TRAPPC9: variants seen among roughly 807,000 people sequenced by gnomAD.
TRAPPC9 encodes trafficking protein particle complex subunit 9, also known as IKK2 binding protein.
A neutral mutation model predicts 124.0 loss-of-function variants in TRAPPC9; 83 were observed. The observed-to-expected ratio is 0.67, with a 90% confidence interval of 0.56 to 0.80. TRAPPC9 has a LOEUF of 0.80. TRAPPC9 is among the 30% of genes least tolerant of loss of function. The pLI, the probability that TRAPPC9 is intolerant of heterozygous loss-of-function variation, is 0.00. For synonymous variants in TRAPPC9, 638 were observed against 617.5 expected (o/e 1.03, Z -0.49); for missense variants, 1,302 against 1,508.3 (o/e 0.86, Z 2.27).
At chr8:139,823,868 G>C (rs748643545) in intron 21 of TRAPPC9, among the ~76,000 whole-genome samples, 1 of 152,182 alleles carries the variant, frequency 6.6e-6, no homozygotes, top group Non-Finnish European at 1.5e-5. Context: ...TGGTGTTCAA[G>C]CCCACACCTG....
At chr8:139,842,831 A>G (rs890289434) in intron 21 of TRAPPC9, among the ~76,000 whole-genome samples, 47 of 152,270 alleles carry the variant, frequency 3.1e-4, no homozygotes, top group African/African-American at 1.1e-3. Context: ...TACAGTCACT[A>G]ATGTAGCAGC....
At chr8:140,133,589 G>T (rs1287209974) in intron 17 of TRAPPC9, among the ~76,000 whole-genome samples, 1 of 152,050 alleles carries the variant, frequency 6.6e-6, no homozygotes, top group Non-Finnish European at 1.5e-5. Flanking sequence ...GAAATAAAAG[G>T]CATCCAAATT....
At position 139,730,056 on chromosome 8, in the gene TRAPPC9, G is replaced by A. The variant is rs1817727603; in HGVS notation, c.*1005C>T. Reference sequence around the variant, plus strand: ...GTGAGCCGTGTGCTTTCTCTCTCCGGTCCTCCCTGAGGAACGCAGGGCCAG... The same window carrying A: ...GTGAGCCGTGTGCTTTCTCTCTCCGATCCTCCCTGAGGAACGCAGGGCCAG... On this transcript the variant is annotated 3_prime_UTR_variant, in exon 23 of 23. Coordinates refer to ENST00000438773, the MANE Select transcript of TRAPPC9 (RefSeq NM_001160372.4). Among the ~76,000 whole-genome samples the A allele has an allele frequency of 6.6e-6, 1 of 152,126 alleles. No homozygotes were observed. The highest frequency in any genetic ancestry group is 1.5e-5 in the Non-Finnish European group (1 of 68,010).
chr8:139,762,019 T>C (rs1245536344), intron 21 of TRAPPC9, among the ~76,000 whole-genome samples: 1 of 151,750 alleles, frequency 6.6e-6, no homozygotes, highest in Non-Finnish European at 1.5e-5. Flanking sequence ...TGTCCCTCTA[T>C]AACCCGGCCC....
In TRAPPC9 at chr8:139,910,202, C is replaced by G. The variant is rs780452862; in HGVS notation, c.2909G>C (p.Arg970Pro). 6.2e-7 allele frequency: 1 copy of G among 1,614,170 alleles called. No homozygotes were observed. The highest frequency in any genetic ancestry group is 8.5e-7 in the Non-Finnish European group (1 of 1,180,028). ...GATCTCCAGGCCTCGGGCTTCCCGCCGCTCTTCCTCCAGCTGCTTGGGGTT... is the reference window on the plus strand; with the variant it reads ...GATCTCCAGGCCTCGGGCTTCCCGCGGCTCTTCCTCCAGCTGCTTGGGGTT... ...FANPKQLEEE[R>P]REARGLEIHS... The change falls in exon 20 of 23, where the codon CGG (arginine) becomes CCG (proline). Residue 970 changes from arginine (R) to proline (P), a missense_variant. Around this residue, in one of 3 missense-constraint regions of TRAPPC9, gnomAD observed 640 missense variants for 679.3 expected, o/e 0.94. Coordinates refer to ENST00000438773, the MANE Select transcript of TRAPPC9 (RefSeq NM_001160372.4).
chr8:140,212,507 ATC>A (rs1022007070), intron 17 of TRAPPC9, among the ~76,000 whole-genome samples: 20 of 152,142 alleles, frequency 1.3e-4, no homozygotes, highest in African/African-American at 4.8e-4. Flanking sequence ...AAATTTTTGC[ATC>A]TGTGTTCAGG....
chr8:139,975,523 G>C (rs761401214), intron 19 of TRAPPC9, among the ~76,000 whole-genome samples: 9 of 152,184 alleles, frequency 5.9e-5, no homozygotes, highest in Non-Finnish European at 1.2e-4. Context: ...GGTGAAAACA[G>C]AGAAACCCCA....
chr8:140,395,562 C>T (rs2069066076), intron 7 of TRAPPC9, among the ~76,000 whole-genome samples: 2 of 152,152 alleles, frequency 1.3e-5, no homozygotes, highest in South Asian at 4.1e-4. Flanking sequence ...TATGGACCAA[C>T]TCTGAGATGG....
intron 19 of TRAPPC9, among the ~76,000 whole-genome samples, chr8:139,917,898 C>T (rs775931333): frequency 6.6e-6 from 1 of 152,318 alleles, no homozygotes; most frequent in African/African-American, 2.4e-5. Flanking sequence ...ACAAGCAGCC[C>T]AGCACTCCCA....
At chr8:140,388,223 T>G (rs1291941731) in intron 7 of TRAPPC9, among the ~76,000 whole-genome samples, 3 of 29,280 alleles carry the variant, frequency 1.0e-4, no homozygotes, top group Non-Finnish European at 6.6e-5. Flanking sequence ...GGGCCTGTTG[T>G]GGGGTGGGGA....
At chr8:140,291,881 G>A (rs1563921779) in intron 11 of TRAPPC9, among the ~76,000 whole-genome samples, 3 of 152,192 alleles carry the variant, frequency 2.0e-5, no homozygotes, top group African/African-American at 2.4e-5. Flanking sequence ...GCAAGAGAAC[G>A]GGGATCACAG....
intron 9 of TRAPPC9, among the ~76,000 whole-genome samples, chr8:140,312,069 CCACTT>C (rs1182583659): frequency 6.6e-6 from 1 of 152,194 alleles, no homozygotes; most frequent in Non-Finnish European, 1.5e-5. Context: ...ACTCCTGTCC[CCACTT>C]TGCAGATGAA....
chr8:139,878,214 T>C (rs1228199155), intron 21 of TRAPPC9, among the ~76,000 whole-genome samples: 1 of 152,204 alleles, frequency 6.6e-6, no homozygotes, highest in Non-Finnish European at 1.5e-5. Flanking sequence ...CGAGACATGT[T>C]TATAACATGG....
At chr8:140,414,643 G>A (rs570852370) in intron 5 of TRAPPC9, among the ~76,000 whole-genome samples, 123 of 152,238 alleles carry the variant, frequency 8.1e-4, no homozygotes, top group Non-Finnish European at 1.5e-3. Flanking sequence ...ATCAACAACA[G>A]AATGAAATTT....
At chr8:140,382,729 G>T (rs1228992387) in intron 7 of TRAPPC9, among the ~76,000 whole-genome samples, 1 of 152,192 alleles carries the variant, frequency 6.6e-6, no homozygotes, top group Admixed American at 6.5e-5. Context: ...CTCCACCTCT[G>T]GGGACAGGGC....
At chr8:139,815,634 C>T (rs142013366) in intron 21 of TRAPPC9, among the ~76,000 whole-genome samples, 23 of 141,208 alleles carry the variant, frequency 1.6e-4, no homozygotes, top group African/African-American at 6.1e-4. Context: ...TCAAATGATC[C>T]GCCCAGCTTA....
intron 16 of TRAPPC9, among the ~76,000 whole-genome samples, chr8:140,231,654 C>G (rs924716553): frequency 4.9e-5 from 7 of 144,146 alleles, no homozygotes; most frequent in Non-Finnish European, 9.0e-5. Context: ...CCACCACACA[C>G]AGCTAATTTT....
intron 19 of TRAPPC9, among the ~76,000 whole-genome samples, chr8:139,966,053 TA>T (rs1332728383): frequency 3.9e-5 from 6 of 152,212 alleles, no homozygotes; most frequent in African/African-American, 1.4e-4. Context: ...TACTTTCACA[TA>T]GGACGTTTCT....
At chr8:139,880,299 G>A (rs1045202130) in intron 21 of TRAPPC9, among the ~76,000 whole-genome samples, 1 of 152,176 alleles carries the variant, frequency 6.6e-6, no homozygotes, top group Non-Finnish European at 1.5e-5. Flanking sequence ...CTCTTAAGTG[G>A]CAGAATGCAG....
Sources: allele counts gnomAD v4.1 joint callset (sites outside exome capture counted in the v4.1 genomes callset), GRCh38; gene constraint gnomAD v4.1.1; regional missense constraint gnomAD v4.1.1; transcripts MANE v1.5; gene names NCBI Gene and HGNC (gene_info 2026-07-23, HGNC 2026-07-21).